CTTNBP2: variants seen among roughly 807,000 people sequenced by gnomAD.
CTTNBP2 encodes cortactin binding protein 2.
A neutral mutation model predicts 156.9 loss-of-function variants in CTTNBP2; 108 were observed. The observed-to-expected ratio is 0.69, with a 90% CI of 0.59 to 0.81. CTTNBP2 has a LOEUF of 0.81. Ranked by LOEUF, CTTNBP2 falls within the 30% of genes least tolerant of loss-of-function variation. The pLI, the probability that CTTNBP2 is intolerant of heterozygous loss-of-function variation, is 0.00. For missense variants in CTTNBP2, 1,924 were observed against 2,035.4 expected, an observed-to-expected ratio of 0.95 and a Z score of 1.05; for synonymous variants, 767 against 751.8, an observed-to-expected ratio of 1.02 and a Z score of -0.33.
chr7:117,760,748 C>A, intron 9 of CTTNBP2, 38 bp from the exon 10 acceptor site: 4 of 1,449,136 alleles, frequency 2.8e-6, no homozygotes, highest in South Asian at 1.3e-5. Flanking sequence ...TTAAAAAAAT[C>A]TGGACAGAAA....
At chr7:117,727,090 G>A (rs1205069759) in intron 17 of CTTNBP2, among the ~76,000 whole-genome samples, 2 of 152,120 alleles carry the variant, frequency 1.3e-5, no homozygotes, top group Non-Finnish European at 2.9e-5. Context: ...ATCAATAAGT[G>A]TATTTATTTT....
intron 2 of CTTNBP2, among the ~76,000 whole-genome samples, chr7:117,826,686 T>C (rs562642794): frequency 1.3e-5 from 2 of 151,906 alleles, no homozygotes; most frequent in East Asian, 3.9e-4. Context: ...GTGACATTAA[T>C]CCCATAAAAC....
At chr7:117,717,972 C>CACAGCAATCATCCTTT in intron 22 of CTTNBP2, 46 bp downstream of exon 22, 1 of 1,181,964 alleles carries the variant, frequency 8.5e-7, no homozygotes, top group Non-Finnish European at 1.3e-6. Context: ...AAGTCAATTC[C>CACAGCAATCATCCTTT]ACAGCAATCA....
At chr7:117,864,707 CATAT>C (rs895658556) in intron 1 of CTTNBP2, among the ~76,000 whole-genome samples, 1 of 89,830 alleles carries the variant, frequency 1.1e-5, no homozygotes, top group Non-Finnish European at 2.7e-5. Flanking sequence ...TTCATATATT[CATAT>C]ATATTCATAT....
intron 3 of CTTNBP2, among the ~76,000 whole-genome samples, chr7:117,795,014 C>T (rs926462276): frequency 6.6e-6 from 1 of 151,186 alleles, no homozygotes; most frequent in Non-Finnish European, 1.5e-5. Context: ...CCTGCCTCAG[C>T]CTCCCGAGTA....
At chr7:117,740,299 A>G (rs1034130884) in intron 14 of CTTNBP2, among the ~76,000 whole-genome samples, 2 of 140,710 alleles carry the variant, frequency 1.4e-5, no homozygotes, top group African/African-American at 5.8e-5. Flanking sequence ...ATTATTTAAA[A>G]TACTTTTGCT....
chr7:117,827,161 T>C (rs1011822646), intron 2 of CTTNBP2, among the ~76,000 whole-genome samples: 22 of 152,182 alleles, frequency 1.4e-4, no homozygotes, highest in African/African-American at 4.8e-4. Context: ...ACCTGGCCAA[T>C]TGACCATTAC....
chr7:117,756,803 C>T (rs1486242940), intron 11 of CTTNBP2, among the ~76,000 whole-genome samples, 169 bp from the exon 12 acceptor site: 3 of 152,188 alleles, frequency 2.0e-5, no homozygotes, highest in Non-Finnish European at 4.4e-5. Flanking sequence ...AAAATATCCT[C>T]ACACTTTGTT....
At chr7:117,766,506 G>A (rs538243655) in intron 9 of CTTNBP2, among the ~76,000 whole-genome samples, 18 of 152,138 alleles carry the variant, frequency 1.2e-4, no homozygotes, top group Non-Finnish European at 2.4e-4. Flanking sequence ...TGACTGGATG[G>A]ATTGGGTGAT....
intron 1 of CTTNBP2, among the ~76,000 whole-genome samples, chr7:117,869,741 A>G (rs970731718): frequency 6.6e-6 from 1 of 152,216 alleles, no homozygotes; most frequent in Non-Finnish European, 1.5e-5. Context: ...AACGACAATA[A>G]TAATAAAGTT....
chr7:117,748,055 G>A (rs530746079), intron 12 of CTTNBP2, among the ~76,000 whole-genome samples: 1 of 147,202 alleles, frequency 6.8e-6, no homozygotes, highest in Non-Finnish European at 1.5e-5. Context: ...TGGAGGTGCA[G>A]GCAAGGACCA....
Position 117,713,931 on chromosome 7 carries a change from T to C in CTTNBP2, c.4747-2149A>G, listed in dbSNP as rs181684942. On this transcript the variant is annotated intron_variant, in intron 22 of 22. Coordinates refer to ENST00000160373, the MANE Select transcript of CTTNBP2 (RefSeq NM_033427.3). ...AAATCTGGGGTCCAGGCCACCTGCA[T>C]TTACAGGGAAAGGAAAGAGAAGTCT... 5.9e-5 allele frequency: 9 copies of C among 152,258 alleles called. No homozygotes were observed. The East Asian group carries it at 1.7e-3, about 29-fold the overall frequency. The allele number at this position is 152,258 out of a possible 1,614,324, so 9.4% of individuals were successfully genotyped here.
At position 117,817,357 on chromosome 7, in the gene CTTNBP2, A is replaced by ATATATATAT. The variant is rs1282725521; in HGVS notation, c.190-6369_190-6368insATATATATA. On this transcript the variant is annotated intron_variant, in intron 2 of 22. Coordinates refer to ENST00000160373, the MANE Select transcript of CTTNBP2 (RefSeq NM_033427.3). ...TCAAAAAAAAAAAAAAAAAAAAAAA[A>ATATATATAT]AAAAATATATATATATATATATATA... Among the ~76,000 whole-genome samples the ATATATATAT allele has an allele frequency of 6.3e-3, 209 of 32,974 alleles. 10 individuals carry two copies. The highest frequency in any genetic ancestry group is 0.018 in the African/African-American group (191 of 10,472). The allele number at this position is 32,974 out of a possible 152,430, so 21.6% of individuals were successfully genotyped here.
chr7:117,713,442 C>T (rs147871283), intron 22 of CTTNBP2, among the ~76,000 whole-genome samples: 282 of 152,218 alleles, frequency 1.9e-3, no homozygotes, highest in African/African-American at 6.6e-3. Context: ...AAAGCCTTTC[C>T]GCTTGGCTCA....
intron 2 of CTTNBP2, among the ~76,000 whole-genome samples, chr7:117,836,718 A>C (rs1448705081): frequency 6.6e-6 from 1 of 152,206 alleles, no homozygotes; most frequent in African/African-American, 2.4e-5. Flanking sequence ...TGATTTATAC[A>C]GGAAAGGGGT....
intron 18 of CTTNBP2, 140 bp downstream of exon 18, chr7:117,724,912 A>G: frequency 9.7e-7 from 1 of 1,029,172 alleles, no homozygotes; most frequent in African/African-American, 1.6e-5. Context: ...TTAACCAGTA[A>G]TTAAAATCAC....
intron 2 of CTTNBP2, among the ~76,000 whole-genome samples, chr7:117,844,241 T>A (rs1266985944): frequency 6.6e-6 from 1 of 152,164 alleles, no homozygotes; most frequent in Non-Finnish European, 1.5e-5. Context: ...TGATGACTCA[T>A]TTTAGACTTC....
In CTTNBP2 at chr7:117,747,628, C is replaced by A. The variant is rs1796405078; in HGVS notation, c.3349-1529G>T. On this transcript the variant is annotated intron_variant, in intron 12 of 22. Coordinates refer to ENST00000160373, the MANE Select transcript of CTTNBP2 (RefSeq NM_033427.3). ...TCTCCACTAAAAATACAAAAATTAG[C>A]CAGGTGTGGTGGTGGGTGCCTGTAA... Among the ~76,000 whole-genome samples the A allele has an allele frequency of 5.3e-5, 8 of 152,092 alleles. 1 individual carries two copies. In the South Asian group the frequency reaches 1.7e-3, roughly 31 times the overall value.
chr7:117,787,990 T>G (rs1798794701), intron 4 of CTTNBP2, among the ~76,000 whole-genome samples: 1 of 152,206 alleles, frequency 6.6e-6, no homozygotes, highest in African/African-American at 2.4e-5. Context: ...GGTTTAATGT[T>G]TTGAGACATG....
Sources: gnomAD v4.1 joint callset for allele counts (sites outside exome capture counted in the v4.1 genomes callset) on GRCh38, gnomAD v4.1.1 for gene constraint, MANE v1.5 for transcripts, NCBI Gene and HGNC (gene_info 2026-07-23, HGNC 2026-07-21) for gene names.